Variants in MED16 observed in about 807,000 individuals in gnomAD.
MED16 encodes the protein mediator complex subunit 16.
A neutral mutation model predicts 84.4 loss-of-function variants in MED16; 81 were observed. The ratio of observed to expected loss-of-function variants is 0.96; its 90% CI spans 0.80 to 1.15. The LOEUF (loss-of-function observed/expected upper bound fraction) is 1.15. Ranked by LOEUF, MED16 falls within the 50% of genes most tolerant of loss-of-function variation. The probability of loss-of-function intolerance (pLI) is 0.00; values close to 1 mark genes in which losing one functional copy is unlikely to be tolerated. For synonymous variants in MED16, 897 were observed against 552.2 expected (o/e 1.62, Z -8.76); for missense variants, 1,585 against 1,245.9 (o/e 1.27, Z -4.10).
intron 8 of MED16, among the ~76,000 whole-genome samples, chr19:877,383 A>C (rs1187829398): frequency 6.6e-6 from 1 of 152,136 alleles, no homozygotes; most frequent in East Asian, 1.9e-4. Flanking sequence ...ACAGGGAAGG[A>C]AACCTCCCTG....
intron 7 of MED16, among the ~76,000 whole-genome samples, chr19:881,310 G>A (rs1294456136): frequency 2.0e-5 from 3 of 152,168 alleles, no homozygotes; most frequent in East Asian, 3.8e-4. Context: ...TTGTTGATTT[G>A]CAATGACTCT....
intron 12 of MED16, chr19:871,720 T>C: frequency 9.5e-7 from 1 of 1,057,082 alleles, no homozygotes; most frequent in Non-Finnish European, 1.3e-6. Context: ...GCTTATGTTC[T>C]GGCGGGGGGC....
chr19:886,913 T>TA (rs1053769467), intron 4 of MED16, among the ~76,000 whole-genome samples: 2 of 151,766 alleles, frequency 1.3e-5, no homozygotes, highest in African/African-American at 2.4e-5. Flanking sequence ...CTGTTGCTAA[T>TA]AAAAAATACA....
intron 8 of MED16, among the ~76,000 whole-genome samples, chr19:878,874 G>C (rs1388554293): frequency 5.5e-5 from 4 of 72,160 alleles, no homozygotes; most frequent in Non-Finnish European, 2.5e-5. Context: ...CCAGCCCCAC[G>C]TGCCCCAGCA....
In MED16 at chr19:868,050, G is replaced by A. The variant is rs548404885; in HGVS notation, c.*51C>T. The A allele has an allele frequency of 4.7e-5, 73 of 1,553,838 alleles. No homozygotes were observed. The highest frequency in any genetic ancestry group is 2.3e-4 in the South Asian group (19 of 82,586). On this transcript the variant is annotated 3_prime_UTR_variant, in exon 16 of 16. Transcript: ENST00000325464. ...TCTCCGCGGGTGAGGCAAGGAAACC[G>A]AGGAGACGCCCGAGCCGGGTCACCA...
chr19:874,151 T>C (rs1304366340), intron 10 of MED16, among the ~76,000 whole-genome samples: 2 of 133,286 alleles, frequency 1.5e-5, no homozygotes, highest in Non-Finnish European at 3.5e-5. Context: ...TCTCACTCTG[T>C]CGCCCAGGCT....
Position 868,158 on chromosome 19 carries a change from G to T in MED16, c.2577C>A (p.His859Gln), listed in dbSNP as rs752448968. Residue 859 changes from histidine (H) to glutamine (Q), a missense_variant, in exon 16 of 16, where the codon CAC (histidine) becomes CAA (glutamine). Physicochemically the swap from His to Gln is conservative, Grantham distance 24. Coordinates refer to ENST00000325464, the MANE Select transcript of MED16 (RefSeq NM_005481.3). ...AFVQLGPQST[H>Q]HSPRTPRSLD... ...GGGATCTGGGGGTCCTGGGAGAGTGGTGTGTGGACTGCGGGCCCAGCTGGA... is the reference window on the plus strand; with the variant it reads ...GGGATCTGGGGGTCCTGGGAGAGTGTTGTGTGGACTGCGGGCCCAGCTGGA... The T allele has an allele frequency of 6.2e-7, 1 of 1,611,820 alleles. No individual in the cohort carries two copies. Among genetic ancestry groups the T allele is most frequent in the African/African-American group, 1.3e-5 (1 of 75,024 alleles).
rs1016901193 is a variant in MED16 at position 869,489 on chromosome 19, A to C, written c.2316-543T>G. 5.9e-5 allele frequency among the ~76,000 whole-genome samples: 9 copies of C among 152,084 alleles called. No homozygotes were observed. In the South Asian group the frequency reaches 1.5e-3, roughly 25 times the overall value. On this transcript the variant is annotated intron_variant, in intron 13 of 15. Transcript: ENST00000325464. ...CTCATTAAATATCTGAAATTTTCCCAGTTTACAAGCCTCTGACGTAACCGT... is the reference window on the plus strand; with the variant it reads ...CTCATTAAATATCTGAAATTTTCCCCGTTTACAAGCCTCTGACGTAACCGT...
At chr19:876,364 CTG>C (rs2036229756) in intron 9 of MED16, among the ~76,000 whole-genome samples, 1 of 152,098 alleles carries the variant, frequency 6.6e-6, no homozygotes, top group African/African-American at 2.4e-5. Context: ...GGGCGGGTCT[CTG>C]TGTGTTCATC....
chr19:872,189 G>A (rs2036091627), intron 11 of MED16, 71 bp from the exon 12 acceptor site: 5 of 1,405,490 alleles, frequency 3.6e-6, no homozygotes, highest in Admixed American at 2.1e-5. Context: ...GTGTCTTGGG[G>A]TCGGTGGAAC....
At position 889,629 on chromosome 19, in the gene MED16, G is replaced by A. The variant is rs752325815; in HGVS notation, c.447+9C>T. 1.9e-6 allele frequency: 3 copies of A among 1,604,890 alleles called. No homozygotes were observed. The highest frequency in any genetic ancestry group is 2.7e-5 in the African/African-American group (2 of 74,918). ...CTGCCTCATCCGCTCACTCGGGCAGGACACTCACCTTCTCCACGTGCAGGG... is the reference window on the plus strand; with the variant it reads ...CTGCCTCATCCGCTCACTCGGGCAGAACACTCACCTTCTCCACGTGCAGGG... On this transcript the variant is annotated intron_variant, in intron 4 of 15. Coordinates refer to ENST00000325464, the MANE Select transcript of MED16 (RefSeq NM_005481.3).
In MED16 at chr19:879,968, A is replaced by T; in HGVS notation, c.1322T>A (p.Leu441Gln). 6.2e-7 allele frequency: 1 copy of T among 1,606,020 alleles called. No individual in the cohort carries two copies. Among genetic ancestry groups the T allele is most frequent in the Non-Finnish European group, 8.5e-7 (1 of 1,177,092 alleles). The change falls in exon 8 of 16, where the codon CTG (leucine) becomes CAG (glutamine). Residue 441 changes from leucine (L) to glutamine (Q), a missense_variant. Leu to Gln is a moderately radical substitution (Grantham distance 113). Coordinates refer to ENST00000325464, the MANE Select transcript of MED16 (RefSeq NM_005481.3). ...LKAMQLSWTSLALVGIDSHGK... is the reference protein window; with the variant it reads ...LKAMQLSWTSQALVGIDSHGK... ...GTGGCTGTCAATCCCCACCAGGGCCAGTGACGTCCACGATAGCTGCATAGC... is the reference window on the plus strand; with the variant it reads ...GTGGCTGTCAATCCCCACCAGGGCCTGTGACGTCCACGATAGCTGCATAGC...
At chr19:871,773 G>C in intron 12 of MED16, 153 bp downstream of exon 12, 1 of 450,172 alleles carries the variant, frequency 2.2e-6, no homozygotes, top group Admixed American at 2.9e-5. Flanking sequence ...GGAGCGGGGA[G>C]AGGGGAGAGG....
At chr19:871,470 G>A (rs1375362408) in intron 12 of MED16, 16 of 1,446,818 alleles carry the variant, frequency 1.1e-5, no homozygotes, top group East Asian at 2.5e-5. Context: ...TCTCTGGCCT[G>A]TCATGAGACT....
At chr19:880,899 T>C (rs1301657993) in intron 7 of MED16, among the ~76,000 whole-genome samples, 2 of 146,422 alleles carry the variant, frequency 1.4e-5, no homozygotes, top group Admixed American at 1.4e-4. Flanking sequence ...CACTCCAGCC[T>C]GGGCAACAGA....
chr19:871,071 T>G lies in MED16; in HGVS notation c.2281A>C (p.Ser761Arg). ...QFGRAPTLPGSAATLQLDGLA... is the reference protein window; with the variant it reads ...QFGRAPTLPGRAATLQLDGLA... Reference sequence around the variant, plus strand: ...CCGTCGAGCTGCAGGGTGGCAGCACTGCCAGGCAGCGTGGGCGCCCGGCCA... The same window carrying G: ...CCGTCGAGCTGCAGGGTGGCAGCACGGCCAGGCAGCGTGGGCGCCCGGCCA... The change falls in exon 13 of 16, where the codon AGT becomes CGT. Residue 761 changes from serine (S) to arginine (R), a missense_variant. By Grantham distance (110) the Ser-to-Arg change is moderately radical. Transcript: ENST00000325464. 1 of 1,546,746 alleles carries G rather than the reference T, an allele frequency of 6.5e-7. No homozygotes were observed. Among genetic ancestry groups the G allele is most frequent in the Non-Finnish European group, 8.7e-7 (1 of 1,144,818 alleles).
chr19:877,399 C>T (rs934479019), intron 8 of MED16, among the ~76,000 whole-genome samples: 3 of 152,144 alleles, frequency 2.0e-5, no homozygotes, highest in Non-Finnish European at 4.4e-5. Flanking sequence ...CCCTGAGCCC[C>T]GACTGCACTG....
chr19:891,364 G>C (rs2036628214), intron 1 of MED16, among the ~76,000 whole-genome samples: 1 of 152,210 alleles, frequency 6.6e-6, no homozygotes. Flanking sequence ...CTCTCAGTAA[G>C]GTGGGAGCCC....
At chr19:878,289 G>C (rs2036313561) in intron 8 of MED16, among the ~76,000 whole-genome samples, 1 of 82,716 alleles carries the variant, frequency 1.2e-5, no homozygotes, top group African/African-American at 4.8e-5. Context: ...TCCCCTGGTT[G>C]TCAATGCCCA....
Sources: allele counts gnomAD v4.1 joint callset (sites outside exome capture counted in the v4.1 genomes callset), GRCh38; gene constraint gnomAD v4.1.1; transcripts MANE v1.5; gene names NCBI Gene and HGNC (gene_info 2026-07-23, HGNC 2026-07-21).